STARD3NL: variants seen among roughly 807,000 people sequenced by gnomAD.
The protein encoded by STARD3NL is STARD3 N-terminal like, also known as STARD3 N-terminal-like protein.
A neutral mutation model predicts 30.9 loss-of-function variants in STARD3NL; 17 were observed. That is an observed-to-expected ratio of 0.55 (90% CI 0.38 to 0.82). The LOEUF (loss-of-function observed/expected upper bound fraction) is 0.82. Ranked by LOEUF, STARD3NL falls within the 40% of genes least tolerant of loss-of-function variation. The pLI is 0.00. For missense variants in STARD3NL, 234 were observed against 277.6 expected, an observed-to-expected ratio of 0.84 and a Z score of 1.12; for synonymous variants, 112 against 100.5, an observed-to-expected ratio of 1.11 and a Z score of -0.69.
At chr7:38,200,615 G>A (rs1388575668) in intron 1 of STARD3NL, among the ~76,000 whole-genome samples, 5 of 152,144 alleles carry the variant, frequency 3.3e-5, no homozygotes, top group African/African-American at 4.8e-5. Context: ...GTTTCCTACA[G>A]AGCATAAATT....
intron 1 of STARD3NL, among the ~76,000 whole-genome samples, chr7:38,187,025 T>TAA (rs36035968): frequency 7.8e-4 from 113 of 144,376 alleles, no homozygotes; most frequent in African/African-American, 2.5e-3. Flanking sequence ...CAGCAGCTTC[T>TAA]AAAAAAAAAA....
chr7:38,218,258 A>T (rs528080966), intron 6 of STARD3NL, among the ~76,000 whole-genome samples: 1 of 152,344 alleles, frequency 6.6e-6, no homozygotes, highest in East Asian at 1.9e-4. Context: ...GTTAAGCATG[A>T]TTATAACTTC....
intron 7 of STARD3NL, among the ~76,000 whole-genome samples, chr7:38,219,921 G>A (rs904227076): frequency 6.6e-6 from 1 of 152,150 alleles, no homozygotes; most frequent in Admixed American, 6.5e-5. Context: ...ACAAGGGGAA[G>A]CGTCTCAGTG....
At position 38,207,677 on chromosome 7, in the gene STARD3NL, T is replaced by C. The variant is rs1311039414; in HGVS notation, c.173T>C (p.Phe58Ser). 2.5e-6 allele frequency: 4 copies of C among 1,614,018 alleles called. No individual in the cohort carries two copies. The highest frequency in any genetic ancestry group is 1.1e-5 in the South Asian group (1 of 91,094). Residue 58 changes from phenylalanine (F) to serine (S), a missense_variant, in exon 2 of 9, where the codon TTT becomes TCT. By Grantham distance (155) the Phe-to-Ser change is radical. Transcript: ENST00000009041. ...ISDVRRTFCLFVTFDLLFVTL... is the reference protein window; with the variant it reads ...ISDVRRTFCLSVTFDLLFVTL... ...GATGTCAGGAGGACTTTCTGTTTGT[T>C]TGTCACCTTTGACCTCTTATTCGTA...
At chr7:38,212,973 A>G (rs745558736) in intron 2 of STARD3NL, among the ~76,000 whole-genome samples, 5 of 152,216 alleles carry the variant, frequency 3.3e-5, no homozygotes, top group Non-Finnish European at 7.3e-5. Flanking sequence ...TACATTTTAG[A>G]TAATGTCTGT....
At chr7:38,179,037 G>A (rs1784139482) in intron 1 of STARD3NL, 1 of 152,158 alleles carries the variant, frequency 6.6e-6, no homozygotes, top group African/African-American at 2.4e-5. Context: ...AACATGGGTG[G>A]ACATTGTGGA....
intron 7 of STARD3NL, among the ~76,000 whole-genome samples, chr7:38,221,569 T>G (rs1786464396): frequency 6.6e-6 from 1 of 152,234 alleles, no homozygotes; most frequent in Non-Finnish European, 1.5e-5. Context: ...ACACTAATAA[T>G]AAGTGGTGTA....
At chr7:38,190,638 A>G (rs1784647822) in intron 1 of STARD3NL, among the ~76,000 whole-genome samples, 1 of 152,158 alleles carries the variant, frequency 6.6e-6, no homozygotes, top group Admixed American at 6.5e-5. Context: ...CTGCATAACC[A>G]TTACTAAACT....
chr7:38,190,572 A>G (rs1784644603), intron 1 of STARD3NL, among the ~76,000 whole-genome samples: 1 of 152,208 alleles, frequency 6.6e-6, no homozygotes, highest in African/African-American at 2.4e-5. Context: ...TGCATACATG[A>G]TGACACTTAT....
chr7:38,181,333 T>G (rs1784237940), intron 1 of STARD3NL, among the ~76,000 whole-genome samples: 3 of 152,346 alleles, frequency 2.0e-5, no homozygotes, highest in Middle Eastern at 3.4e-3. Context: ...TTCCTGTTAT[T>G]GAGGAAGCCC....
intron 1 of STARD3NL, among the ~76,000 whole-genome samples, chr7:38,206,322 T>C (rs146691107): frequency 2.9e-4 from 44 of 152,300 alleles, no homozygotes; most frequent in African/African-American, 8.9e-4. Context: ...CATATGAACT[T>C]CTGCCCACGT....
chr7:38,183,811 GCATGTGGAACC>G (rs1469788580), intron 1 of STARD3NL, among the ~76,000 whole-genome samples: 2 of 152,194 alleles, frequency 1.3e-5, no homozygotes, highest in Non-Finnish European at 2.9e-5. Flanking sequence ...AGTTTTCACA[GCATGTGGAACC>G]CATGTATGCA....
At chr7:38,203,219 AG>A (rs1316572380) in intron 1 of STARD3NL, among the ~76,000 whole-genome samples, 4 of 152,176 alleles carry the variant, frequency 2.6e-5, no homozygotes, top group Non-Finnish European at 4.4e-5. Context: ...AAAAGTGTTA[AG>A]GGCAGCCAGA....
At chr7:38,197,232 CATTT>C (rs1784966797) in intron 1 of STARD3NL, among the ~76,000 whole-genome samples, 1 of 95,676 alleles carries the variant, frequency 1.0e-5, no homozygotes, top group Admixed American at 1.2e-4. Flanking sequence ...TTCTTTCTTT[CATTT>C]TTTTTTTCTT....
At chr7:38,188,610 G>A (rs932484932) in intron 1 of STARD3NL, among the ~76,000 whole-genome samples, 1 of 152,162 alleles carries the variant, frequency 6.6e-6, no homozygotes, top group Non-Finnish European at 1.5e-5. Flanking sequence ...AGTAGATGTG[G>A]TATATTCTTG....
chr7:38,197,155 T>C (rs1051979274), intron 1 of STARD3NL, among the ~76,000 whole-genome samples: 1 of 145,220 alleles, frequency 6.9e-6, no homozygotes, highest in African/African-American at 2.6e-5. Flanking sequence ...TTTCTTTCTT[T>C]CTTTCTTTCT....
intron 7 of STARD3NL, among the ~76,000 whole-genome samples, chr7:38,228,110 T>G (rs1306956555): frequency 1.3e-5 from 2 of 152,234 alleles, no homozygotes; most frequent in Admixed American, 6.5e-5. Context: ...TTTTTCATGT[T>G]ATAAATTCTA....
At chr7:38,202,752 T>A (rs1416366116) in intron 1 of STARD3NL, among the ~76,000 whole-genome samples, 1 of 126,230 alleles carries the variant, frequency 7.9e-6, no homozygotes, top group Non-Finnish European at 1.6e-5. Context: ...GGCCCTGGTG[T>A]GTGATGTTCC....
At chr7:38,201,975 C>T (rs766048149) in intron 1 of STARD3NL, 3 of 152,244 alleles carry the variant, frequency 2.0e-5, no homozygotes, top group Non-Finnish European at 4.4e-5. Flanking sequence ...AGGTATGTGC[C>T]ACTGCACCCG....
Sources: gnomAD v4.1 joint callset for allele counts (sites outside exome capture counted in the v4.1 genomes callset) on GRCh38, gnomAD v4.1.1 for gene constraint, MANE v1.5 for transcripts, NCBI Gene and HGNC (gene_info 2026-07-23, HGNC 2026-07-21) for gene names.